The following VPS13A variants were observed in gnomAD, a reference collection of about 807,000 sequenced individuals.
The protein encoded by VPS13A is intermembrane lipid transfer protein VPS13A.
VPS13A carries 264 observed loss-of-function variants against 390.9 expected under a neutral mutation model. That is an observed-to-expected ratio of 0.68 (90% CI 0.61 to 0.75). The LOEUF is 0.75. Among genes scored for constraint, VPS13A ranks in the 30% least tolerant of loss-of-function variants. The pLI is 0.00. For missense variants in VPS13A, 3,409 were observed against 3,733.9 expected, an observed-to-expected ratio of 0.91 and a Z score of 2.27; for synonymous variants, 1,231 against 1,227.1, an observed-to-expected ratio of 1.00 and a Z score of -0.07.
At chr9:77,235,747 A>G (rs2131223024) in intron 17 of VPS13A, among the ~76,000 whole-genome samples, 1 of 152,240 alleles carries the variant, frequency 6.6e-6, no homozygotes, top group Middle Eastern at 3.4e-3. Flanking sequence ...TATGCTCCAC[A>G]GACTCAATAA....
chr9:77,281,849 T>A lies in VPS13A; in HGVS notation c.2905-18T>A. 6.4e-7 allele frequency: 1 copy of A among 1,568,982 alleles called. No individual in the cohort carries two copies. The highest frequency in any genetic ancestry group is 1.4e-5 in the African/African-American group (1 of 73,980). ...TCTTCCTAACGTGTTCTAACAGATT[T>A]GTTTTCTCTTTGGATAGGCTGAAAA... On this transcript the variant is annotated intron_variant, in intron 27 of 71. Coordinates refer to ENST00000360280, the MANE Select transcript of VPS13A (RefSeq NM_033305.3).
intron 1 of VPS13A, among the ~76,000 whole-genome samples, chr9:77,180,825 G>A (rs1233974940): frequency 6.6e-6 from 1 of 152,090 alleles, no homozygotes; most frequent in Non-Finnish European, 1.5e-5. Context: ...CTGTGTCTTT[G>A]TAGTTAGTCT....
intron 22 of VPS13A, among the ~76,000 whole-genome samples, chr9:77,253,262 A>C (rs1292109772): frequency 6.6e-6 from 1 of 152,034 alleles, no homozygotes; most frequent in African/African-American, 2.4e-5. Flanking sequence ...TTATTTGGAG[A>C]AATACATATT....
intron 24 of VPS13A, among the ~76,000 whole-genome samples, chr9:77,273,969 GT>G (rs1826494407): frequency 6.6e-6 from 1 of 152,124 alleles, no homozygotes; most frequent in Non-Finnish European, 1.5e-5. Flanking sequence ...AAAAAGACAT[GT>G]TTTCGAGTGG....
rs559715016 is a variant in VPS13A, at chr9:77,330,917, CT to C, written c.5992-1092del. ...TATTTCCAGTACCATATTTTAAAAACTATTATTCCTGTCCAGAAAATATATA... is the reference window on the plus strand; with the variant it reads ...TATTTCCAGTACCATATTTTAAAAACATTATTCCTGTCCAGAAAATATATA... On this transcript the variant is annotated intron_variant, in intron 45 of 71. Coordinates refer to ENST00000360280, the MANE Select transcript of VPS13A (RefSeq NM_033305.3). 5.8e-3 allele frequency among the ~76,000 whole-genome samples: 877 copies of C among 152,142 alleles called. 12 individuals are homozygous for C. The highest frequency in any genetic ancestry group is 0.02 in the African/African-American group (846 of 41,502).
chr9:77,207,248 T>C lies in VPS13A; in HGVS notation c.385+1169T>C, dbSNP rs868141065. 1.5e-4 allele frequency among the ~76,000 whole-genome samples: 17 copies of C among 112,318 alleles called. 1 individual carries two copies. The highest frequency in any genetic ancestry group is 6.2e-4 in the African/African-American group (17 of 27,318). The allele number at this position is 112,318 out of a possible 152,430, so 73.7% of individuals were successfully genotyped here. ...ATATATATATATATATATATATATATATATAAAACGTGTTATATGTAACAT... is the reference window on the plus strand; with the variant it reads ...ATATATATATATATATATATATATACATATAAAACGTGTTATATGTAACAT... On this transcript the variant is annotated intron_variant, in intron 5 of 71. Transcript: ENST00000360280.
Position 77,260,123 on chromosome 9 carries a change from C to A in VPS13A, c.2326C>A (p.Arg776=). 1 of 1,564,558 alleles carries A rather than the reference C, an allele frequency of 6.4e-7. No homozygotes were observed. Among genetic ancestry groups the A allele is most frequent in the East Asian group, 2.2e-5 (1 of 44,468 alleles). ...TGGAAAGTTACCTCTTATTTCTTTA[C>A]GAATCTCAGATAAAAAACTACAAGG... The part of the protein sequence containing the change: ...IYGKLPLISL[R]ISDKKLQGIM... The change falls in exon 23 of 72, where the codon CGA becomes AGA. Residue 776 remains arginine, a synonymous_variant. Transcript: ENST00000360280.
intron 67 of VPS13A, among the ~76,000 whole-genome samples, chr9:77,379,532 G>A (rs550427344): frequency 1.3e-5 from 2 of 151,884 alleles, no homozygotes; most frequent in East Asian, 3.9e-4. Context: ...GAGCCACCAC[G>A]CCCGGCCATT....
intron 68 of VPS13A, chr9:77,384,647 T>A: frequency 9.3e-6 from 15 of 1,606,438 alleles, no homozygotes; most frequent in Non-Finnish European, 1.3e-5. Context: ...ATGATGATGA[T>A]GATGATGATG....
At chr9:77,219,626 T>C (rs1468788272) in intron 10 of VPS13A, among the ~76,000 whole-genome samples, 1 of 152,230 alleles carries the variant, frequency 6.6e-6, no homozygotes, top group African/African-American at 2.4e-5. Context: ...TCATTCATTC[T>C]GTAAAACTGT....
intron 32 of VPS13A, among the ~76,000 whole-genome samples, chr9:77,294,327 C>G (rs1010663342): frequency 6.6e-5 from 10 of 152,276 alleles, no homozygotes; most frequent in Non-Finnish European, 1.0e-4. Context: ...CTTATTTCGG[C>G]TTTTCTTGTT....
At chr9:77,271,586 G>A (rs1029842216) in intron 23 of VPS13A, among the ~76,000 whole-genome samples, 3 of 151,976 alleles carry the variant, frequency 2.0e-5, no homozygotes, top group African/African-American at 7.3e-5. Flanking sequence ...GAATGGATAA[G>A]GAAAAATAGT....
At chr9:77,216,569 C>T (rs1317603693) in intron 10 of VPS13A, among the ~76,000 whole-genome samples, 1 of 152,100 alleles carries the variant, frequency 6.6e-6, no homozygotes, top group East Asian at 1.9e-4. Context: ...AGTCCTTATA[C>T]TGAGTAGATG....
chr9:77,195,315 C>T (rs113668175), intron 1 of VPS13A, among the ~76,000 whole-genome samples: 10 of 152,070 alleles, frequency 6.6e-5, no homozygotes, highest in African/African-American at 2.4e-4. Flanking sequence ...TAGTAGAGAC[C>T]GAGTTTCACC....
intron 54 of VPS13A, among the ~76,000 whole-genome samples, chr9:77,355,550 T>G (rs1831726408): frequency 6.6e-6 from 1 of 152,216 alleles, no homozygotes. Context: ...CTGTCACACC[T>G]GTCATCTGAC....
intron 19 of VPS13A, among the ~76,000 whole-genome samples, chr9:77,243,763 T>C (rs1404682466): frequency 2.6e-5 from 4 of 152,218 alleles, no homozygotes; most frequent in African/African-American, 9.7e-5. Flanking sequence ...ATAGATGTTA[T>C]ACTCTTATGG....
chr9:77,204,867 G>T (rs976840021), intron 3 of VPS13A, among the ~76,000 whole-genome samples: 1 of 152,062 alleles, frequency 6.6e-6, no homozygotes, highest in African/African-American at 2.4e-5. Context: ...GGGTTCAAGC[G>T]ATCCACCTGC....
At chr9:77,231,242 C>T (rs183091284) in intron 17 of VPS13A, among the ~76,000 whole-genome samples, 46 of 152,054 alleles carry the variant, frequency 3.0e-4, no homozygotes, top group African/African-American at 8.4e-4. Context: ...CTAATTGCCC[C>T]GGCTAGAACC....
chr9:77,404,913 G>T (rs1834528577), intron 69 of VPS13A, among the ~76,000 whole-genome samples: 1 of 152,084 alleles, frequency 6.6e-6, no homozygotes, highest in East Asian at 1.9e-4. Flanking sequence ...AGGGGAGCAG[G>T]GACAGAAGAT....
Sources: allele counts gnomAD v4.1 joint callset (sites outside exome capture counted in the v4.1 genomes callset), GRCh38; gene constraint gnomAD v4.1.1; transcripts MANE v1.5; gene names NCBI Gene and HGNC (gene_info 2026-07-23, HGNC 2026-07-21).